FAM133A: variants seen among roughly 807,000 people sequenced by gnomAD.
FAM133A encodes the protein family with sequence similarity 133 member A, also known as protein FAM133A.
For synonymous variants in FAM133A, 65 were observed against 58.6 expected (o/e 1.11, Z -0.50); for missense variants, 159 against 164.4 (o/e 0.97, Z 0.18).
chrX:93,686,357 C>G (rs1925531845), intron 2 of FAM133A, among the ~76,000 whole-genome samples: 1 of 111,090 alleles, frequency 9.0e-6, no homozygotes. Context: ...AGCTGTGTGG[C>G]CTTGGGAATT....
At chrX:93,702,077 C>T (rs1430154075) in intron 3 of FAM133A, among the ~76,000 whole-genome samples, 1 of 111,798 alleles carries the variant, frequency 8.9e-6, no homozygotes, top group Non-Finnish European at 1.9e-5. Flanking sequence ...GTGCAAAGTG[C>T]TTAATTTAAA....
chrX:93,679,843 G>A (rs759597362), intron 2 of FAM133A, among the ~76,000 whole-genome samples: 5 of 96,563 alleles, frequency 5.2e-5, no homozygotes, highest in Non-Finnish European at 1.0e-4. Flanking sequence ...CCACCTCTCA[G>A]GTTCAAGTGA....
intron 2 of FAM133A, among the ~76,000 whole-genome samples, chrX:93,677,415 C>G (rs533250651): frequency 1.2e-4 from 13 of 111,470 alleles, no homozygotes; most frequent in East Asian, 5.7e-4. Flanking sequence ...ATGACTTCCT[C>G]CTGTTCTTCT....
intron 3 of FAM133A, among the ~76,000 whole-genome samples, chrX:93,701,022 G>A (rs1926659853): frequency 9.0e-6 from 1 of 111,322 alleles, no homozygotes; most frequent in African/African-American, 3.3e-5. Context: ...CCTTATCTTT[G>A]ATAAGTTGTT....
intron 2 of FAM133A, among the ~76,000 whole-genome samples, chrX:93,693,440 G>C (rs2147623240): frequency 9.0e-6 from 1 of 110,806 alleles, no homozygotes; most frequent in East Asian, 2.8e-4. Context: ...AGAGCCACAT[G>C]GTCCTCCCTT....
In FAM133A at chrX:93,698,468, T is replaced by C. The variant is rs1262246009; in HGVS notation, c.-121T>C. 1 of 111,850 alleles carries C rather than the reference T, an allele frequency of 8.9e-6. No homozygotes were observed. The highest frequency in any genetic ancestry group is 3.2e-5 in the African/African-American group (1 of 30,801). 9.2% of individuals were successfully genotyped at this position (111,850 alleles called of 1,213,427 possible). ...AGAGGAAAACCTAGAGTGTGTGTTA[T>C]CCTGCAAGCCAATTGAGGTAAGTGT... On this transcript the variant is annotated 5_prime_UTR_variant, in exon 3 of 4. Coordinates refer to ENST00000683942, the MANE Select transcript of FAM133A (RefSeq NM_001171109.2).
At chrX:93,702,116 C>T (rs1275508995) in intron 3 of FAM133A, among the ~76,000 whole-genome samples, 2 of 111,889 alleles carry the variant, frequency 1.8e-5, no homozygotes, top group East Asian at 5.7e-4. Context: ...GAATTAAAAA[C>T]ATTTTACATA....
intron 3 of FAM133A, among the ~76,000 whole-genome samples, chrX:93,705,962 G>GAC (rs1322242901): frequency 5.4e-5 from 6 of 111,290 alleles, no homozygotes; most frequent in African/African-American, 1.6e-4. Context: ...TATTGACTGT[G>GAC]ACTATGTACT....
chrX:93,695,500 G>T (rs979729451), intron 2 of FAM133A, among the ~76,000 whole-genome samples: 28 of 109,979 alleles, frequency 2.5e-4, no homozygotes, highest in African/African-American at 7.3e-4. Context: ...TGATCTGCCC[G>T]CCTAGGCCTC....
chrX:93,682,813 A>C (rs1281259658), intron 2 of FAM133A, among the ~76,000 whole-genome samples: 2 of 110,690 alleles, frequency 1.8e-5, no homozygotes, highest in Non-Finnish European at 3.8e-5. Flanking sequence ...ACGGGGTTTA[A>C]CCATGTTGGT....
chrX:93,704,439 C>T lies in FAM133A; in HGVS notation c.-103-4878C>T, dbSNP rs185433342. On this transcript the variant is annotated intron_variant, in intron 3 of 3. Transcript: ENST00000683942. ...TTAAGGTTTTTTTTTAAATAGGAGC[C>T]TCATCCAAATGTCCAGATATTTGCA... 3.6e-5 allele frequency among the ~76,000 whole-genome samples: 4 copies of T among 111,250 alleles called. No individual in the cohort carries two copies. The South Asian group carries it at 1.1e-3, about 31-fold the overall frequency.
intron 2 of FAM133A, among the ~76,000 whole-genome samples, chrX:93,684,787 A>G (rs916619261): frequency 8.9e-6 from 1 of 112,275 alleles, no homozygotes; most frequent in South Asian, 3.7e-4. Flanking sequence ...CAAACATTTA[A>G]CACAATAATG....
In FAM133A at chrX:93,710,436, A is replaced by T; in HGVS notation, c.*270A>T. 1 of 265,507 alleles carries T rather than the reference A, an allele frequency of 3.8e-6. No individual in the cohort carries two copies. The allele number at this position is 265,507 out of a possible 1,213,427, so 21.9% of individuals were successfully genotyped here. On this transcript the variant is annotated 3_prime_UTR_variant, in exon 4 of 4. Coordinates refer to ENST00000683942, the MANE Select transcript of FAM133A (RefSeq NM_001171109.2). The stretch of plus-strand genomic sequence containing the variant: ...ATAATGAATAACTTTGACAAAAAAA[A>T]GTGTATCTAAGGTTAAATGTATCTA...
upstream of FAM133A, among the ~76,000 whole-genome samples, chrX:93,673,732 G>T (rs1924473690): frequency 9.1e-6 from 1 of 109,842 alleles, no homozygotes; most frequent in South Asian, 3.9e-4. Context: ...ACGGCCAAAC[G>T]CCACTACTCC....
intron 3 of FAM133A, among the ~76,000 whole-genome samples, chrX:93,701,193 A>G (rs1458529413): frequency 1.8e-5 from 2 of 112,124 alleles, no homozygotes. Context: ...TAAAATGTAG[A>G]TGAAATTATA....
rs1927460964 is a variant in FAM133A, at chrX:93,711,822, T to C, written c.*1656T>C. 1 of 123,421 alleles carries C rather than the reference T, an allele frequency of 8.1e-6. No homozygotes were observed. The highest frequency in any genetic ancestry group is 1.9e-5 in the Non-Finnish European group (1 of 53,276). The allele number at this position is 123,421 out of a possible 1,213,427, so 10.2% of individuals were successfully genotyped here. On this transcript the variant is annotated 3_prime_UTR_variant, in exon 4 of 4. Transcript: ENST00000683942. ...TTTAGCTTTTTCCTAAAAATATATG[T>C]TTATGCTGATAAAAACTATTACATT...
chrX:93,675,592 A>G (rs1401663346), intron 2 of FAM133A, among the ~76,000 whole-genome samples: 2 of 111,634 alleles, frequency 1.8e-5, no homozygotes, highest in Non-Finnish European at 3.8e-5. Context: ...TGGTCATAAG[A>G]TAAATTCCTA....
rs1927490605 is a variant in FAM133A at position 93,712,245 on chromosome X, A to G, written c.*2079A>G. ...TGCAGTAAACTTTTTAAGTGTAAGAAATAAACTGTTATGTGTTAAACCACT... is the reference window on the plus strand; with the variant it reads ...TGCAGTAAACTTTTTAAGTGTAAGAGATAAACTGTTATGTGTTAAACCACT... On this transcript the variant is annotated 3_prime_UTR_variant, in exon 4 of 4. Transcript: ENST00000683942. The G allele has an allele frequency of 8.1e-6, 1 of 123,480 alleles. No homozygotes were observed. The allele number at this position is 123,480 out of a possible 1,213,427, so 10.2% of individuals were successfully genotyped here. A position where few individuals can be genotyped will look rare whatever the true frequency, so the allele number is the denominator to read the frequency against.
At chrX:93,705,736 A>G (rs193006193) in intron 3 of FAM133A, among the ~76,000 whole-genome samples, 2 of 110,648 alleles carry the variant, frequency 1.8e-5, no homozygotes, top group Non-Finnish European at 3.8e-5. Flanking sequence ...AATTCTTTCT[A>G]TCTCTGAATT....
Sources: gnomAD v4.1 joint callset for allele counts (sites outside exome capture counted in the v4.1 genomes callset) on GRCh38, gnomAD v4.1.1 for gene constraint, MANE v1.5 for transcripts, NCBI Gene and HGNC (gene_info 2026-07-23, HGNC 2026-07-21) for gene names.